Variants in SV2C observed in about 807,000 individuals in gnomAD.
SV2C encodes solute carrier family 22 member B3.
In SV2C, 49 loss-of-function variants were observed where a neutral mutation model predicts 79.7. That is an observed-to-expected ratio of 0.61 (90% CI 0.49 to 0.78). The LOEUF (loss-of-function observed/expected upper bound fraction) is 0.78, where lower values mean the gene tolerates loss of function less well. SV2C is among the 30% of genes least tolerant of loss of function. The pLI is 0.00. For synonymous variants in SV2C, 334 were observed against 333.2 expected (o/e 1.00, Z -0.03); for missense variants, 833 against 912.9 (o/e 0.91, Z 1.13).
chr5:75,989,850 A>T, the SV2C span, among the ~76,000 whole-genome samples: 1 of 150,788 alleles, frequency 6.6e-6, no homozygotes, highest in African/African-American at 2.4e-5. Context: ...GTGGTATCTC[A>T]ATGTGGTTTT....
intron 12 of SV2C, among the ~76,000 whole-genome samples, chr5:76,315,457 A>G (rs569817735): frequency 6.6e-6 from 1 of 152,328 alleles, no homozygotes; most frequent in South Asian, 2.1e-4. Flanking sequence ...TCAGTCTTTC[A>G]TTTAATAAGT....
chr5:75,993,928 G>A, the SV2C span, among the ~76,000 whole-genome samples: 1 of 152,070 alleles, frequency 6.6e-6, no homozygotes, highest in Non-Finnish European at 1.5e-5. Flanking sequence ...GAAGGGGATG[G>A]AAAGCACAAA....
intron 8 of SV2C, among the ~76,000 whole-genome samples, chr5:76,295,440 AGT>A (rs1484375558): frequency 6.6e-6 from 1 of 152,192 alleles, no homozygotes; most frequent in African/African-American, 2.4e-5. Flanking sequence ...CTGGGGTTTA[AGT>A]TCCAACACAT....
the SV2C span, among the ~76,000 whole-genome samples, chr5:76,018,885 A>G: frequency 6.6e-6 from 1 of 152,202 alleles, no homozygotes; most frequent in South Asian, 2.1e-4. Flanking sequence ...GAGAAGTAAA[A>G]CTACAGTTAT....
At chr5:75,878,572 T>C in the SV2C span, among the ~76,000 whole-genome samples, 2,185 of 152,246 alleles carry the variant, frequency 0.014, 51 homozygotes, top group African/African-American at 0.047. Flanking sequence ...AAACTAATTT[T>C]CCCCCACCCC....
chr5:76,252,110 C>T (rs1010625590), intron 4 of SV2C, among the ~76,000 whole-genome samples: 28 of 152,198 alleles, frequency 1.8e-4, no homozygotes, highest in African/African-American at 5.8e-4. Context: ...GGAGTATATG[C>T]AGTGATGCTT....
intron 2 of SV2C, among the ~76,000 whole-genome samples, chr5:76,188,842 C>G (rs1339215731): frequency 6.6e-6 from 1 of 152,056 alleles, no homozygotes; most frequent in East Asian, 1.9e-4. Flanking sequence ...TGGAGTCAGC[C>G]TTCTATGGAC....
chr5:76,294,521 C>T lies in SV2C; in HGVS notation c.1338-1257C>T, dbSNP rs552593945. 3.3e-5 allele frequency among the ~76,000 whole-genome samples: 5 copies of T among 152,182 alleles called. No homozygotes were observed. The East Asian group carries it at 9.6e-4, about 29-fold the overall frequency. ...TTCACCATGTTGACCAGGCTGGTCT[C>T]GATCTCCTGACCTTGTGATCTGCCT... On this transcript the variant is annotated intron_variant, in intron 8 of 12. Transcript: ENST00000502798.
intron 2 of SV2C, among the ~76,000 whole-genome samples, chr5:76,172,288 TGGGG>T (rs1199468988): frequency 0.011 from 75 of 7,132 alleles, no homozygotes; most frequent in Non-Finnish European, 0.014. Flanking sequence ...GGGAGGGAGG[TGGGG>T]GGGGGGGTCA....
the SV2C span, among the ~76,000 whole-genome samples, chr5:75,930,290 G>A: frequency 6.6e-6 from 1 of 152,194 alleles, no homozygotes; most frequent in Non-Finnish European, 1.5e-5. Context: ...TGCAAGCAGG[G>A]AAAAGTTTCA....
At chr5:76,077,674 T>A in the SV2C span, among the ~76,000 whole-genome samples, 1 of 152,188 alleles carries the variant, frequency 6.6e-6, no homozygotes, top group Admixed American at 6.5e-5. Flanking sequence ...CACATGTCCA[T>A]GGCTGACTTC....
At chr5:75,885,591 A>T in the SV2C span, among the ~76,000 whole-genome samples, 16 of 152,152 alleles carry the variant, frequency 1.1e-4, no homozygotes, top group African/African-American at 2.4e-4. Context: ...CATTCTTTTT[A>T]AAAAAAGTAT....
chr5:75,884,812 T>C, the SV2C span, among the ~76,000 whole-genome samples: 5 of 151,386 alleles, frequency 3.3e-5, no homozygotes, highest in Admixed American at 2.6e-4. Flanking sequence ...AAATTAATAA[T>C]GAAAAATTAA....
At chr5:76,100,063 A>G (rs910163863) in intron 1 of SV2C, among the ~76,000 whole-genome samples, 2 of 152,234 alleles carry the variant, frequency 1.3e-5, no homozygotes, top group Admixed American at 6.5e-5. Context: ...TCAATTAGCC[A>G]TAAAATTAGC....
chr5:76,340,978 T>C (rs1483613875), intron 12 of SV2C, among the ~76,000 whole-genome samples: 2 of 148,356 alleles, frequency 1.3e-5, no homozygotes, highest in Non-Finnish European at 3.0e-5. Context: ...TCGCCCAGGC[T>C]GGAGTGCACT....
chr5:76,272,404 A>G (rs933112387), intron 4 of SV2C, among the ~76,000 whole-genome samples: 1 of 152,222 alleles, frequency 6.6e-6, no homozygotes, highest in Non-Finnish European at 1.5e-5. Context: ...CAGCAAAAAG[A>G]AAATTTGATC....
At chr5:76,344,085 A>C (rs1389279048) in intron 12 of SV2C, among the ~76,000 whole-genome samples, 1 of 151,898 alleles carries the variant, frequency 6.6e-6, no homozygotes, top group South Asian at 2.1e-4. Flanking sequence ...TTATCATCCA[A>C]CCTCTGCCCC....
intron 4 of SV2C, among the ~76,000 whole-genome samples, chr5:76,270,553 T>C (rs1211500485): frequency 6.6e-6 from 1 of 152,166 alleles, no homozygotes; most frequent in Non-Finnish European, 1.5e-5. Context: ...GTTGCAAGTC[T>C]ATGGGAAACT....
chr5:76,019,426 G>A, the SV2C span, among the ~76,000 whole-genome samples: 6 of 152,142 alleles, frequency 3.9e-5, no homozygotes, highest in African/African-American at 7.2e-5. Context: ...AAGAAAGACC[G>A]ATGGGGCAGC....
Sources: allele counts gnomAD v4.1 joint callset (sites outside exome capture counted in the v4.1 genomes callset), GRCh38; gene constraint gnomAD v4.1.1; transcripts MANE v1.5; gene names NCBI Gene and HGNC (gene_info 2026-07-23, HGNC 2026-07-21).